PDE4B: variants seen among roughly 807,000 people sequenced by gnomAD.
PDE4B encodes the protein 3',5'-cyclic-AMP phosphodiesterase 4B.
Under a neutral mutation model 82.2 loss-of-function variants are expected in PDE4B, and 20 were observed. That is an observed-to-expected ratio of 0.24 (90% CI 0.17 to 0.35). The LOEUF (loss-of-function observed/expected upper bound fraction) is 0.35, where lower values mean the gene tolerates loss of function less well. Ranked by LOEUF, PDE4B falls within the 10% of genes least tolerant of loss-of-function variation. The probability of loss-of-function intolerance (pLI) is 1.00; values close to 1 mark genes in which losing one functional copy is unlikely to be tolerated. For synonymous variants in PDE4B, 320 were observed against 318.9 expected (o/e 1.00, Z -0.04); for missense variants, 655 against 907.2 (o/e 0.72, Z 3.57).
chr1:66,147,289 G>A (rs760388583), intron 3 of PDE4B, among the ~76,000 whole-genome samples: 1 of 152,034 alleles, frequency 6.6e-6, no homozygotes, highest in Non-Finnish European at 1.5e-5. Context: ...ATAAATATTC[G>A]TTATCATATT....
chr1:65,809,204 G>A (rs1388784218), intron 1 of PDE4B, among the ~76,000 whole-genome samples: 1 of 151,778 alleles, frequency 6.6e-6, no homozygotes, highest in Non-Finnish European at 1.5e-5. Context: ...GGTGGCACGG[G>A]CCTGTAATCC....
intron 3 of PDE4B, among the ~76,000 whole-genome samples, chr1:66,056,465 ATATC>A (rs5774790): frequency 3.2e-4 from 48 of 148,308 alleles, no homozygotes; most frequent in South Asian, 2.6e-3. Context: ...AGGAAATTTT[ATATC>A]TATCTATCTA....
chr1:66,187,855 G>C (rs1445888841), intron 3 of PDE4B, among the ~76,000 whole-genome samples: 1 of 151,856 alleles, frequency 6.6e-6, no homozygotes, highest in East Asian at 1.9e-4. Flanking sequence ...TCTGATTTTA[G>C]TTATTTCTTG....
intron 7 of PDE4B, among the ~76,000 whole-genome samples, chr1:66,307,189 T>C (rs1658339613): frequency 6.6e-6 from 1 of 152,104 alleles, no homozygotes; most frequent in South Asian, 2.1e-4. Flanking sequence ...AAATTATTTT[T>C]CTGGAAGCTG....
chr1:65,860,513 G>T (rs890848556), intron 1 of PDE4B, among the ~76,000 whole-genome samples: 4 of 152,180 alleles, frequency 2.6e-5, no homozygotes, highest in Non-Finnish European at 5.9e-5. Flanking sequence ...ACATACGTGT[G>T]CATGTGTCTT....
intron 1 of PDE4B, among the ~76,000 whole-genome samples, chr1:65,911,599 G>A (rs1569650262): frequency 6.6e-6 from 1 of 151,216 alleles, no homozygotes; most frequent in East Asian, 2.0e-4. Context: ...CTTGTTGCTT[G>A]TCTACTTTTG....
intron 7 of PDE4B, among the ~76,000 whole-genome samples, chr1:66,312,733 C>T (rs1479016182): frequency 6.6e-6 from 1 of 152,158 alleles, no homozygotes; most frequent in Non-Finnish European, 1.5e-5. Context: ...CAAACTACAG[C>T]CCATGGGCCA....
intron 3 of PDE4B, among the ~76,000 whole-genome samples, chr1:66,242,558 C>G (rs1390733827): frequency 6.6e-6 from 1 of 152,190 alleles, no homozygotes; most frequent in Non-Finnish European, 1.5e-5. Flanking sequence ...GATGTTGCTT[C>G]ATGAGTCTTT....
intron 3 of PDE4B, among the ~76,000 whole-genome samples, chr1:66,127,491 A>G (rs1645847129): frequency 1.3e-5 from 2 of 152,224 alleles, no homozygotes; most frequent in Admixed American, 6.5e-5. Context: ...TTTCTGTAAC[A>G]TCTTTATTCT....
intron 1 of PDE4B, among the ~76,000 whole-genome samples, chr1:65,858,294 A>C (rs763437580): frequency 1.6e-4 from 25 of 152,164 alleles, no homozygotes; most frequent in Non-Finnish European, 2.9e-4. Context: ...CCTTATTATA[A>C]ATGGTGGTTA....
At chr1:66,326,058 G>C (rs1659729807) in intron 7 of PDE4B, among the ~76,000 whole-genome samples, 1 of 152,164 alleles carries the variant, frequency 6.6e-6, no homozygotes, top group Non-Finnish European at 1.5e-5. Context: ...CCTGGTCTAT[G>C]TCACATTAAA....
chr1:66,330,148 G>T (rs1660004072), intron 7 of PDE4B, among the ~76,000 whole-genome samples: 1 of 152,174 alleles, frequency 6.6e-6, no homozygotes, highest in Non-Finnish European at 1.5e-5. Context: ...TTAAGAATTT[G>T]GAAAGTGATA....
At chr1:66,209,083 C>A (rs895174312) in intron 3 of PDE4B, among the ~76,000 whole-genome samples, 3 of 152,140 alleles carry the variant, frequency 2.0e-5, no homozygotes, top group Non-Finnish European at 2.9e-5. Context: ...CATGCCAGAC[C>A]ATGTCATAAG....
In PDE4B at chr1:65,849,472, T is replaced by G. The variant is rs532267831; in HGVS notation, c.-71+56224T>G. On this transcript the variant is annotated intron_variant, in intron 1 of 16. Transcript: ENST00000341517. Reference sequence around the variant, plus strand: ...ATTGGGAAGCATCCTGAGGAGGTGTTGAAAGAAACTGGTTAAGTAGAGTTG... The same window carrying G: ...ATTGGGAAGCATCCTGAGGAGGTGTGGAAAGAAACTGGTTAAGTAGAGTTG... Among the ~76,000 whole-genome samples, 8 of 152,222 alleles carry G rather than the reference T, an allele frequency of 5.3e-5. No individual in the cohort carries two copies. In the South Asian group the frequency reaches 1.7e-3, roughly 32 times the overall value.
In PDE4B at chr1:66,206,069, C is replaced by T. The variant is rs147240859; in HGVS notation, c.282-41391C>T. ...ATCTCCCAGGACACTCATGGAGTGG[C>T]GATGGAAGTGTGGCTTCCAAGTTGT... On this transcript the variant is annotated intron_variant, in intron 3 of 16. Transcript: ENST00000341517. Among the ~76,000 whole-genome samples the T allele has an allele frequency of 1.2e-3, 187 of 152,266 alleles. 2 individuals carry two copies. The South Asian group carries it at 0.013, about 11-fold the overall frequency.
chr1:66,325,756 A>G (rs2101900420), intron 7 of PDE4B, among the ~76,000 whole-genome samples: 1 of 152,310 alleles, frequency 6.6e-6, no homozygotes, highest in South Asian at 2.1e-4. Flanking sequence ...GCTGTCAAAT[A>G]CATGTCAATA....
At chr1:66,058,015 C>T (rs1655391621) in intron 3 of PDE4B, among the ~76,000 whole-genome samples, 1 of 152,126 alleles carries the variant, frequency 6.6e-6, no homozygotes, top group South Asian at 2.1e-4. Flanking sequence ...CGCCTATAAG[C>T]CTGTAAAATC....
intron 7 of PDE4B, among the ~76,000 whole-genome samples, chr1:66,278,208 G>C (rs1192033902): frequency 6.6e-6 from 1 of 152,210 alleles, no homozygotes; most frequent in Admixed American, 6.5e-5. Flanking sequence ...TAAAAGAAGA[G>C]AAAGATTGCT....
intron 1 of PDE4B, among the ~76,000 whole-genome samples, chr1:65,823,363 T>TAC (rs1645977082): frequency 7.8e-6 from 1 of 128,388 alleles, no homozygotes; most frequent in African/African-American, 3.0e-5. Flanking sequence ...ACCATTGTAC[T>TAC]ACAGCCTGGC....
Sources: gnomAD v4.1 joint callset for allele counts (sites outside exome capture counted in the v4.1 genomes callset) on GRCh38, gnomAD v4.1.1 for gene constraint, MANE v1.5 for transcripts, NCBI Gene and HGNC (gene_info 2026-07-23, HGNC 2026-07-21) for gene names.